The following GOLGA4 variants were observed in gnomAD, a reference collection of about 807,000 sequenced individuals.
GOLGA4 encodes golgin subfamily A member 4.
A neutral mutation model predicts 265.9 loss-of-function variants in GOLGA4; 169 were observed. The observed-to-expected ratio is 0.64, with a 90% CI of 0.56 to 0.72. The LOEUF (loss-of-function observed/expected upper bound fraction) is 0.72, where lower values mean the gene tolerates loss of function less well. Ranked by LOEUF, GOLGA4 falls within the 30% of genes least tolerant of loss-of-function variation. The pLI is 0.00. For missense variants in GOLGA4, 2,482 were observed against 2,483.4 expected, an observed-to-expected ratio of 1.00 and a Z score of 0.01; for synonymous variants, 923 against 855.8, an observed-to-expected ratio of 1.08 and a Z score of -1.37.
At chr3:37,263,359 A>G (rs2096775127) in intron 2 of GOLGA4, among the ~76,000 whole-genome samples, 1 of 152,172 alleles carries the variant, frequency 6.6e-6, no homozygotes, top group Admixed American at 6.5e-5. Context: ...GCCTAAAGGC[A>G]TGGTTTTTAG....
At position 37,310,321 on chromosome 3, in the gene GOLGA4, TAAG is replaced by T. The variant is rs60794964; in HGVS notation, c.1235-5095_1235-5093del. ...AGGATACTCAGGATGAGGAGTATCC[TAAG>T]AAGTGCTGGAGTAGCAAAAACAATG... On this transcript the variant is annotated intron_variant, in intron 10 of 23. Transcript: ENST00000361924. Among the ~76,000 whole-genome samples, 1,085 of 152,302 alleles carry T rather than the reference TAAG, an allele frequency of 7.1e-3. 14 individuals are homozygous for T. The highest frequency in any genetic ancestry group is 0.024 in the African/African-American group (1,017 of 41,562).
intron 4 of GOLGA4, among the ~76,000 whole-genome samples, chr3:37,288,103 A>ATTTT (rs1203747752): frequency 1.3e-4 from 15 of 118,572 alleles, no homozygotes; most frequent in African/African-American, 4.4e-4. Flanking sequence ...TAGCTTCTTG[A>ATTTT]TTTTTTTTTT....
At chr3:37,262,743 T>A (rs537750369) in intron 2 of GOLGA4, among the ~76,000 whole-genome samples, 2 of 152,180 alleles carry the variant, frequency 1.3e-5, no homozygotes, top group African/African-American at 4.8e-5. Flanking sequence ...TCCCTATTTA[T>A]TTTTATTTAA....
In GOLGA4 at chr3:37,321,677, C is replaced by T. The variant is rs80098730; in HGVS notation, c.1546-54C>T. On this transcript the variant is annotated intron_variant, in intron 12 of 23. Transcript: ENST00000361924. ...GAATGATTCCTGGGGAAGTACTTTG[C>T]GAATGCTGAAGATTTATGTGCGTTT... is the stretch of plus-strand genomic sequence containing the variant. 2.3e-3 allele frequency: 3,489 copies of T among 1,490,568 alleles called. 83 individuals are homozygous for T. In the African/African-American group the frequency reaches 0.043, roughly 18 times the overall value. 92.3% of individuals were successfully genotyped at this position (1,490,568 alleles called of 1,614,324 possible).
At chr3:37,297,566 G>A (rs1007859688) in intron 7 of GOLGA4, among the ~76,000 whole-genome samples, 12 of 152,318 alleles carry the variant, frequency 7.9e-5, no homozygotes, top group Non-Finnish European at 1.8e-4. Flanking sequence ...GTTAACTACT[G>A]TGCCATTCTG....
At chr3:37,341,168 G>A (rs1484033281) in intron 20 of GOLGA4, among the ~76,000 whole-genome samples, 1 of 152,080 alleles carries the variant, frequency 6.6e-6, no homozygotes, top group African/African-American at 2.4e-5. Flanking sequence ...CTCCCAAAGT[G>A]CAGGGATTAC....
rs771981656 is a variant in GOLGA4 at position 37,324,238 on chromosome 3, A to G, written c.2352A>G (p.Ala784=). ...EHQAHVENLE[A]DIKRSEGELQ... ...AGGCTCATGTAGAAAATTTAGAGGC[A>G]GATATTAAAAGGTCTGAAGGGGAAC... The change falls in exon 14 of 24, where the codon GCA becomes GCG. Residue 784 remains alanine (A), a synonymous_variant. Coordinates refer to ENST00000361924, the MANE Select transcript of GOLGA4 (RefSeq NM_002078.5). The G allele has an allele frequency of 1.2e-6, 2 of 1,614,106 alleles. No homozygotes were observed. The highest frequency in any genetic ancestry group is 4.5e-5 in the East Asian group (2 of 44,902).
intron 7 of GOLGA4, among the ~76,000 whole-genome samples, chr3:37,297,975 G>A (rs1207166713): frequency 6.6e-6 from 1 of 151,962 alleles, no homozygotes; most frequent in Non-Finnish European, 1.5e-5. Context: ...GTTGCAGTGA[G>A]CCGAGATCAT....
intron 2 of GOLGA4, among the ~76,000 whole-genome samples, chr3:37,251,966 A>G (rs1469730852): frequency 6.6e-6 from 1 of 152,190 alleles, no homozygotes. Flanking sequence ...GAGAACCTTA[A>G]TTTGAGAGGA....
chr3:37,315,359 A>G, intron 10 of GOLGA4, 61 bp from the exon 11 acceptor site: 1 of 1,422,464 alleles, frequency 7.0e-7, no homozygotes, highest in South Asian at 1.3e-5. Flanking sequence ...TTGAATGTAA[A>G]ACACTTTAGC....
intron 21 of GOLGA4, among the ~76,000 whole-genome samples, chr3:37,348,596 T>A (rs1396610103): frequency 6.6e-6 from 1 of 152,150 alleles, no homozygotes; most frequent in African/African-American, 2.4e-5. Flanking sequence ...GGATAGATAG[T>A]TTAAAGTTAC....
chr3:37,344,561 G>T (rs1192933925), intron 20 of GOLGA4, among the ~76,000 whole-genome samples: 1 of 140,344 alleles, frequency 7.1e-6, no homozygotes, highest in African/African-American at 2.7e-5. Context: ...TTGAACTCCT[G>T]GCCTCAAGTG....
rs1418779436 is a variant in GOLGA4, at chr3:37,326,986, T to C, written c.5100T>C (p.Ser1700=). 6.2e-7 allele frequency: 1 copy of C among 1,613,912 alleles called. No individual in the cohort carries two copies. The highest frequency in any genetic ancestry group is 1.1e-5 in the South Asian group (1 of 91,070). ...AAGAAAAACTTAAGTCAGTGGAAAG[T>C]TCACAGTCAGAAACATTAATTGTAC... ...ILEEKLKSVE[S]SQSETLIVPR... Residue 1700 remains serine, a synonymous_variant, in exon 14 of 24, where the codon AGT becomes AGC. Transcript: ENST00000361924.
At position 37,323,830 on chromosome 3, in the gene GOLGA4, G is replaced by T; in HGVS notation, c.1944G>T (p.Lys648Asn). Reference sequence around the variant, plus strand: ...CTGAAATGGAAAAACTTAGGGAAAAGTGTGAACAAGAAAAAGAAACATTGT... The same window carrying T: ...CTGAAATGGAAAAACTTAGGGAAAATTGTGAACAAGAAAAAGAAACATTGT... ...YQTEMEKLRE[K>N]CEQEKETLLK... Residue 648 changes from lysine (K) to asparagine (N), a missense_variant, in exon 14 of 24, where the codon AAG becomes AAT. Physicochemically the swap from Lys to Asn is moderately conservative, Grantham distance 94. Transcript: ENST00000361924. The T allele has an allele frequency of 6.2e-7, 1 of 1,610,066 alleles. No homozygotes were observed. Among genetic ancestry groups the T allele is most frequent in the Non-Finnish European group, 8.5e-7 (1 of 1,179,148 alleles).
Position 37,337,174 on chromosome 3 carries a change from T to A in GOLGA4, c.6327+11T>A. The A allele has an allele frequency of 7.1e-7, 1 of 1,399,004 alleles. No homozygotes were observed. The highest frequency in any genetic ancestry group is 1.2e-5 in the South Asian group (1 of 80,184). 86.7% of individuals were successfully genotyped at this position (1,399,004 alleles called of 1,614,324 possible). On this transcript the variant is annotated intron_variant, in intron 18 of 23. Transcript: ENST00000361924. Reference sequence around the variant, plus strand: ...ATTATGGAGCTACAGGTAAGGCTAGTTCTTCTTTTTTTTTTTTTCTTTTTT... The same window carrying A: ...ATTATGGAGCTACAGGTAAGGCTAGATCTTCTTTTTTTTTTTTTCTTTTTT...
intron 17 of GOLGA4, 81 bp from the exon 18 acceptor site, chr3:37,337,062 T>A: frequency 1.1e-6 from 1 of 921,584 alleles, no homozygotes. Context: ...CCTTTTTCCT[T>A]ATATCTTTAT....
chr3:37,287,822 C>G (rs1029174208), intron 4 of GOLGA4, among the ~76,000 whole-genome samples: 1 of 152,198 alleles, frequency 6.6e-6, no homozygotes, highest in East Asian at 1.9e-4. Flanking sequence ...CAAGTCCCCA[C>G]AATACAATCC....
intron 22 of GOLGA4, among the ~76,000 whole-genome samples, chr3:37,361,028 A>G (rs1195324317): frequency 6.6e-6 from 1 of 152,170 alleles, no homozygotes; most frequent in African/African-American, 2.4e-5. Flanking sequence ...AGTTGCAAGT[A>G]AAATCTCAGC....
intron 15 of GOLGA4, 46 bp downstream of exon 15, chr3:37,328,583 C>T (rs774580944): frequency 2.0e-6 from 3 of 1,531,340 alleles, no homozygotes; most frequent in South Asian, 2.4e-5. Context: ...TCAGCAGAGG[C>T]TATAATTTAA....
Sources: gnomAD v4.1 joint callset for allele counts (sites outside exome capture counted in the v4.1 genomes callset) on GRCh38, gnomAD v4.1.1 for gene constraint, MANE v1.5 for transcripts, NCBI Gene and HGNC (gene_info 2026-07-23, HGNC 2026-07-21) for gene names.